LRRTM4: variants seen among roughly 807,000 people sequenced by gnomAD.
LRRTM4 encodes leucine-rich repeat transmembrane neuronal protein 4.
In LRRTM4, 25 loss-of-function variants were observed where a neutral mutation model predicts 47.6. The observed-to-expected ratio is 0.53, with a 90% CI of 0.38 to 0.73. The LOEUF is 0.73. Ranked by LOEUF, LRRTM4 falls within the 30% of genes least tolerant of loss-of-function variation. LRRTM4 has a pLI of 0.00. For missense variants in LRRTM4, 638 were observed against 713.4 expected, an observed-to-expected ratio of 0.89 and a Z score of 1.20; for synonymous variants, 311 against 269.5, an observed-to-expected ratio of 1.15 and a Z score of -1.51.
intron 3 of LRRTM4, among the ~76,000 whole-genome samples, chr2:77,491,531 A>G (rs1316739147): frequency 1.3e-5 from 2 of 152,082 alleles, no homozygotes; most frequent in Non-Finnish European, 2.9e-5. Flanking sequence ...AAATAAATTA[A>G]GTCCTATCAC....
intron 3 of LRRTM4, among the ~76,000 whole-genome samples, chr2:77,297,890 A>C (rs1307589731): frequency 6.6e-6 from 1 of 152,232 alleles, no homozygotes; most frequent in Non-Finnish European, 1.5e-5. Context: ...CACATGGTCA[A>C]AGACTTATTC....
chr2:76,920,698 G>A (rs970904484), intron 3 of LRRTM4, among the ~76,000 whole-genome samples: 2 of 152,098 alleles, frequency 1.3e-5, no homozygotes, highest in Admixed American at 6.6e-5. Flanking sequence ...ACAGCAGTAA[G>A]TAAAATGTAG....
chr2:77,449,537 A>C (rs150485897), intron 3 of LRRTM4, among the ~76,000 whole-genome samples: 199 of 152,276 alleles, frequency 1.3e-3, no homozygotes, highest in African/African-American at 4.7e-3. Flanking sequence ...ATAGAAACTA[A>C]AAGTACCAGG....
At chr2:77,356,048 T>C (rs1043442751) in intron 3 of LRRTM4, among the ~76,000 whole-genome samples, 1 of 152,170 alleles carries the variant, frequency 6.6e-6, no homozygotes, top group Non-Finnish European at 1.5e-5. Flanking sequence ...GAGCCATTAA[T>C]GTGCCACTAC....
intron 3 of LRRTM4, among the ~76,000 whole-genome samples, chr2:76,908,946 C>A (rs1487165909): frequency 6.6e-6 from 1 of 152,136 alleles, no homozygotes; most frequent in Non-Finnish European, 1.5e-5. Context: ...TCAATGCCAT[C>A]CCCATCAAGC....
chr2:76,956,399 A>G (rs771843784), intron 3 of LRRTM4, among the ~76,000 whole-genome samples: 8 of 151,536 alleles, frequency 5.3e-5, no homozygotes, highest in Non-Finnish European at 7.4e-5. Context: ...AAATTAGAAA[A>G]TATCCTGATA....
rs112101536 is a variant in LRRTM4, at chr2:77,238,596, C to T, written c.1551+279722G>A. Among the ~76,000 whole-genome samples the T allele has an allele frequency of 3.3e-5, 5 of 152,036 alleles. 1 individual carries two copies. The highest frequency in any genetic ancestry group is 4.8e-5 in the African/African-American group (2 of 41,490). On this transcript the variant is annotated intron_variant, in intron 3 of 3. Coordinates refer to ENST00000409884, the MANE Select transcript of LRRTM4 (RefSeq NM_001134745.3). ...TGCCACTGGGAGTGGGTAAACAGCACGCCGAGAGATACATGTAGAATAAAT... is the reference window on the plus strand; with the variant it reads ...TGCCACTGGGAGTGGGTAAACAGCATGCCGAGAGATACATGTAGAATAAAT...
intron 3 of LRRTM4, among the ~76,000 whole-genome samples, chr2:76,791,948 C>A (rs747187446): frequency 1.3e-5 from 2 of 152,166 alleles, no homozygotes; most frequent in East Asian, 3.9e-4. Flanking sequence ...TAGCCTATCA[C>A]CCACTCATGT....
At chr2:76,907,706 T>C (rs1208444852) in intron 3 of LRRTM4, among the ~76,000 whole-genome samples, 5 of 116,126 alleles carry the variant, frequency 4.3e-5, no homozygotes, top group Non-Finnish European at 8.3e-5. Flanking sequence ...CAGAGAATAC[T>C]ACAAACACCT....
chr2:77,444,359 C>A (rs917221993), intron 3 of LRRTM4, among the ~76,000 whole-genome samples: 1 of 152,080 alleles, frequency 6.6e-6, no homozygotes, highest in Non-Finnish European at 1.5e-5. Flanking sequence ...TAAAAATTTA[C>A]ACTTTCTGAA....
chr2:77,356,718 C>G (rs1225862243), intron 3 of LRRTM4, among the ~76,000 whole-genome samples: 1 of 152,112 alleles, frequency 6.6e-6, no homozygotes, highest in Non-Finnish European at 1.5e-5. Flanking sequence ...TAAGTTTCCA[C>G]TTGGAATTGA....
intron 3 of LRRTM4, among the ~76,000 whole-genome samples, chr2:77,174,806 C>A (rs10204411): frequency 6.6e-6 from 1 of 151,916 alleles, no homozygotes; most frequent in Non-Finnish European, 1.5e-5. Flanking sequence ...CTCGCCCCAC[C>A]CCACAACAGG....
intron 3 of LRRTM4, among the ~76,000 whole-genome samples, chr2:77,476,964 ATGTGTGTGTGTG>A (rs59247356): frequency 1.3e-3 from 189 of 143,898 alleles, no homozygotes; most frequent in African/African-American, 4.5e-3. Context: ...TTTGTAAGAG[ATGTGTGTGTGTG>A]TGTGTGTGTG....
chr2:77,150,323 T>G (rs1409719987), intron 3 of LRRTM4, among the ~76,000 whole-genome samples: 1 of 152,182 alleles, frequency 6.6e-6, no homozygotes, highest in Non-Finnish European at 1.5e-5. Flanking sequence ...CTATACTGTT[T>G]TATCCTTTCT....
At chr2:76,919,901 C>G (rs1674380720) in intron 3 of LRRTM4, among the ~76,000 whole-genome samples, 1 of 152,136 alleles carries the variant, frequency 6.6e-6, no homozygotes, top group African/African-American at 2.4e-5. Context: ...TAAACAGATG[C>G]AACAGCTGCA....
intron 3 of LRRTM4, among the ~76,000 whole-genome samples, chr2:77,457,603 A>T (rs1676612423): frequency 6.6e-6 from 1 of 152,158 alleles, no homozygotes; most frequent in African/African-American, 2.4e-5. Flanking sequence ...TACAAAAAAA[A>T]AATCTAATGC....
intron 3 of LRRTM4, among the ~76,000 whole-genome samples, chr2:77,106,126 C>A (rs1262711555): frequency 6.6e-6 from 1 of 152,142 alleles, no homozygotes; most frequent in Non-Finnish European, 1.5e-5. Context: ...GATTAAATAT[C>A]ACTTTTTAAA....
intron 3 of LRRTM4, among the ~76,000 whole-genome samples, chr2:77,169,909 G>T (rs144078901): frequency 2.0e-5 from 3 of 152,072 alleles, no homozygotes; most frequent in Non-Finnish European, 4.4e-5. Context: ...GTCTAAGTTT[G>T]TTGTGCGTTG....
intron 3 of LRRTM4, among the ~76,000 whole-genome samples, chr2:76,944,957 T>A (rs1675274946): frequency 6.6e-6 from 1 of 152,090 alleles, no homozygotes; most frequent in Non-Finnish European, 1.5e-5. Context: ...GGGAAGTTTT[T>A]ACGAGTCCAG....
Sources: allele counts gnomAD v4.1 joint callset (sites outside exome capture counted in the v4.1 genomes callset), GRCh38; gene constraint gnomAD v4.1.1; transcripts MANE v1.5; gene names NCBI Gene and HGNC (gene_info 2026-07-23, HGNC 2026-07-21).